Variants in DRC11 observed in about 807,000 individuals in gnomAD.
DRC11 encodes IQ and AAA domain-containing protein 1.
chr2:236,450,974 CCT>C, the DRC11 span, among the ~76,000 whole-genome samples: 1 of 152,144 alleles, frequency 6.6e-6, no homozygotes, highest in African/African-American at 2.4e-5. Context: ...CTATAAATTA[CCT>C]AGAGCAGATT....
the DRC11 span, among the ~76,000 whole-genome samples, chr2:236,495,697 T>A: frequency 0.12 from 18,291 of 152,158 alleles, 2,743 homozygotes; most frequent in African/African-American, 0.35. This position sits in a 1 kb window ranked among gnomAD's most constrained non-coding sequence, Gnocchi z 5.6. Flanking sequence ...AGTACCAGGG[T>A]TGTGGCCAAG....
chr2:236,475,683 C>T, the DRC11 span, among the ~76,000 whole-genome samples: 1 of 152,182 alleles, frequency 6.6e-6, no homozygotes, highest in Non-Finnish European at 1.5e-5. The surrounding 1 kb of genome is among the most constrained non-coding windows in gnomAD (Gnocchi z 4.8). Flanking sequence ...TTTTTCTCCA[C>T]ATTCTTGCCG....
chr2:236,493,748 T>G, the DRC11 span: 1 of 1,562,466 alleles, frequency 6.4e-7, no homozygotes, highest in Non-Finnish European at 8.7e-7. Context: ...GATTAATGTT[T>G]GTTAAAATGA....
the DRC11 span, among the ~76,000 whole-genome samples, chr2:236,339,033 G>A: frequency 0.17 from 25,556 of 152,020 alleles, 2,333 homozygotes; most frequent in Non-Finnish European, 0.21. Context: ...AACGAACCTC[G>A]CCCCCAGTGC....
chr2:236,424,420 T>G, the DRC11 span, among the ~76,000 whole-genome samples: 6 of 152,176 alleles, frequency 3.9e-5, no homozygotes, highest in Admixed American at 1.3e-4. Flanking sequence ...TGGTTCACAA[T>G]TCAAAAGTTA....
the DRC11 span, among the ~76,000 whole-genome samples, chr2:236,459,507 G>GTATACGTA: frequency 1.0e-5 from 1 of 100,144 alleles, no homozygotes; most frequent in South Asian, 2.9e-4. Context: ...ATATGTATAC[G>GTATACGTA]TATACGTATA....
the DRC11 span, among the ~76,000 whole-genome samples, chr2:236,351,850 A>G: frequency 6.6e-6 from 1 of 151,816 alleles, no homozygotes; most frequent in South Asian, 2.1e-4. The surrounding 1 kb of genome is among the most constrained non-coding windows in gnomAD (Gnocchi z 7.3). Flanking sequence ...TCGATGCTAG[A>G]TGCCCAGTGG....
chr2:236,462,556 A>G, the DRC11 span, among the ~76,000 whole-genome samples: 1 of 152,148 alleles, frequency 6.6e-6, no homozygotes, highest in African/African-American at 2.4e-5. This position sits in a 1 kb window ranked among gnomAD's most constrained non-coding sequence, Gnocchi z 6.4. Flanking sequence ...CTGTAATCCC[A>G]GCTACTCGGG....
chr2:236,507,255 A>ACGCGTT, the DRC11 span: 1 of 1,613,998 alleles, frequency 6.2e-7, no homozygotes, highest in Non-Finnish European at 8.5e-7. Context: ...CCCATCACTT[A>ACGCGTT]CGCGTTCGAC....
the DRC11 span, among the ~76,000 whole-genome samples, chr2:236,434,052 G>A: frequency 9.2e-5 from 14 of 152,140 alleles, no homozygotes; most frequent in Admixed American, 7.2e-4. The surrounding 1 kb of genome is among the most constrained non-coding windows in gnomAD (Gnocchi z 5.5). Flanking sequence ...AATACGATGC[G>A]GTGCATTCAT....
At chr2:236,445,556 T>C in the DRC11 span, among the ~76,000 whole-genome samples, 2 of 151,724 alleles carry the variant, frequency 1.3e-5, no homozygotes, top group Non-Finnish European at 1.5e-5. The surrounding 1 kb of genome is among the most constrained non-coding windows in gnomAD (Gnocchi z 4.8). Context: ...GCCAGGCTGG[T>C]CTCAAACTCC....
At chr2:236,416,768 T>TATATAA in the DRC11 span, among the ~76,000 whole-genome samples, 59 of 92,932 alleles carry the variant, frequency 6.3e-4, 2 homozygotes, top group Admixed American at 1.2e-3. Context: ...TATATATATA[T>TATATAA]AAATAATTTT....
the DRC11 span, among the ~76,000 whole-genome samples, chr2:236,357,246 GTA>G: frequency 9.7e-6 from 1 of 103,342 alleles, no homozygotes; most frequent in African/African-American, 4.4e-5. Flanking sequence ...TATTCATATA[GTA>G]TATATCTATA....
chr2:236,452,206 T>A, the DRC11 span, among the ~76,000 whole-genome samples: 1 of 152,214 alleles, frequency 6.6e-6, no homozygotes, highest in Non-Finnish European at 1.5e-5. The surrounding 1 kb of genome is among the most constrained non-coding windows in gnomAD (Gnocchi z 4.7). Context: ...ATTAAAAATT[T>A]ATGCATATTG....
the DRC11 span, among the ~76,000 whole-genome samples, chr2:236,366,820 CTT>C: frequency 2.8e-5 from 3 of 107,802 alleles, no homozygotes; most frequent in African/African-American, 9.5e-5. Flanking sequence ...TCCTCTCTCT[CTT>C]TCTCTCTCTC....
chr2:236,375,812 A>G, the DRC11 span, among the ~76,000 whole-genome samples: 32 of 152,212 alleles, frequency 2.1e-4, no homozygotes, highest in Admixed American at 1.8e-3. This position sits in a 1 kb window ranked among gnomAD's most constrained non-coding sequence, Gnocchi z 4.2. Flanking sequence ...AAGATTCCAC[A>G]CTTCCTCACA....
chr2:236,497,418 C>T, the DRC11 span: 1 of 1,613,694 alleles, frequency 6.2e-7, no homozygotes, highest in Non-Finnish European at 8.5e-7. This position sits in a 1 kb window ranked among gnomAD's most constrained non-coding sequence, Gnocchi z 5.1. Context: ...GTTCAATCAT[C>T]TTCTGAGGCT....
the DRC11 span, among the ~76,000 whole-genome samples, chr2:236,440,437 G>A: frequency 6.6e-6 from 1 of 152,096 alleles, no homozygotes; most frequent in Non-Finnish European, 1.5e-5. Context: ...TGGTTTCTAT[G>A]CTAAATACTG....
the DRC11 span, chr2:236,493,929 T>C: frequency 8.7e-4 from 1,333 of 1,524,624 alleles, 12 homozygotes; most frequent in African/African-American, 0.016. Context: ...TCCGTCACAA[T>C]GCCAGGACTA....
Sources: gnomAD v4.1 joint callset for allele counts (sites outside exome capture counted in the v4.1 genomes callset) on GRCh38, gnomAD v4.1.1 for gene constraint, Gnocchi (gnomAD v3.1) non-coding constraint, MANE v1.5 for transcripts, NCBI Gene and HGNC (gene_info 2026-07-23, HGNC 2026-07-21) for gene names.